Variants in MYO1B observed in about 807,000 individuals in gnomAD.
MYO1B encodes the protein myosin IB, also known as unconventional myosin-Ib.
A neutral mutation model predicts 159.7 loss-of-function variants in MYO1B; 72 were observed. The observed-to-expected ratio is 0.45, with a 90% CI of 0.37 to 0.55. The LOEUF is 0.55. MYO1B is among the 20% of genes least tolerant of loss of function. The pLI is 0.00. For missense variants in MYO1B, 1,062 were observed against 1,364.8 expected, an observed-to-expected ratio of 0.78 and a Z score of 3.50; for synonymous variants, 468 against 473.8, an observed-to-expected ratio of 0.99 and a Z score of 0.16.
intron 1 of MYO1B, 51 bp from the exon 2 acceptor site, chr2:191,276,836 T>C (rs1687781159): frequency 7.7e-6 from 12 of 1,560,382 alleles, no homozygotes; most frequent in Non-Finnish European, 8.6e-6. Context: ...CAAGAACCTA[T>C]TTGAAATTAT....
intron 30 of MYO1B, among the ~76,000 whole-genome samples, chr2:191,418,860 A>G (rs1481739087): frequency 6.6e-6 from 1 of 152,240 alleles, no homozygotes; most frequent in African/African-American, 2.4e-5. Context: ...GCTGCCTTAT[A>G]GTTTCTAGTC....
At chr2:191,268,629 G>T (rs2125712725) in intron 1 of MYO1B, among the ~76,000 whole-genome samples, 1 of 152,332 alleles carries the variant, frequency 6.6e-6, no homozygotes. Context: ...GGGCAGCAAA[G>T]GCAGCTGTTC....
At chr2:191,286,721 C>T (rs1003288684) in intron 2 of MYO1B, among the ~76,000 whole-genome samples, 1 of 152,192 alleles carries the variant, frequency 6.6e-6, no homozygotes, top group South Asian at 2.1e-4. Flanking sequence ...TTGCTTTAGT[C>T]GAGGAGTTCG....
At chr2:191,374,443 T>A (rs1023996950) in intron 13 of MYO1B, among the ~76,000 whole-genome samples, 7 of 152,174 alleles carry the variant, frequency 4.6e-5, no homozygotes, top group Non-Finnish European at 4.4e-5. Flanking sequence ...GAGACTTTTT[T>A]AAAAAAATGC....
At chr2:191,381,359 G>T (rs771651518) in intron 13 of MYO1B, 103 bp from the exon 14 acceptor site, 1 of 852,914 alleles carries the variant, frequency 1.2e-6, no homozygotes, top group South Asian at 1.4e-5. Context: ...AAATCTGAGA[G>T]ATCATGTGTG....
chr2:191,314,041 T>A (rs2125871096), intron 3 of MYO1B, among the ~76,000 whole-genome samples: 1 of 152,346 alleles, frequency 6.6e-6, no homozygotes, highest in East Asian at 1.9e-4. Context: ...TGTTTGGTAA[T>A]TTAACTTGTG....
rs376859401 is a variant in MYO1B at position 191,329,904 on chromosome 2, C to T, written c.252-31C>T. 7.9e-5 allele frequency: 125 copies of T among 1,586,398 alleles called. No individual in the cohort carries two copies. In the African/African-American group the frequency reaches 1.4e-3, roughly 18 times the overall value. On this transcript the variant is annotated intron_variant, in intron 3 of 30. Coordinates refer to ENST00000392318, the MANE Select transcript of MYO1B (RefSeq NM_001130158.3). The stretch of plus-strand genomic sequence containing the variant: ...TAAACACATAATAATGATCTGAAGT[C>T]TAAGGAATTTTTTTCCATTATCCCC...
intron 27 of MYO1B, among the ~76,000 whole-genome samples, chr2:191,412,319 C>G (rs1697298232): frequency 6.6e-6 from 1 of 152,130 alleles, no homozygotes; most frequent in Non-Finnish European, 1.5e-5. Context: ...TGAACATTTC[C>G]TGTGGATGAC....
At chr2:191,381,370 G>A in intron 13 of MYO1B, 92 bp from the exon 14 acceptor site, 2 of 901,002 alleles carry the variant, frequency 2.2e-6, no homozygotes, top group Non-Finnish European at 3.7e-6. Flanking sequence ...ATCATGTGTG[G>A]CATTTCTCAT....
chr2:191,414,457 A>G lies in MYO1B; in HGVS notation c.3007-60A>G, dbSNP rs1271996695. Reference sequence around the variant, plus strand: ...TTTTTGCAAATAATGCCTTAAACTCATGGACCATTTTTGAGTATTTGTGAT... The same window carrying G: ...TTTTTGCAAATAATGCCTTAAACTCGTGGACCATTTTTGAGTATTTGTGAT... On this transcript the variant is annotated intron_variant, in intron 28 of 30. Transcript: ENST00000392318. 5 of 1,483,648 alleles carry G rather than the reference A, an allele frequency of 3.4e-6. 1 individual carries two copies. The highest frequency in any genetic ancestry group is 4.7e-5 in the Admixed American group (2 of 42,812). 91.9% of individuals were successfully genotyped at this position (1,483,648 alleles called of 1,614,324 possible). A position where few individuals can be genotyped will look rare whatever the true frequency, so the allele number is the denominator to read the frequency against.
At chr2:191,262,175 A>C (rs1686852778) in intron 1 of MYO1B, among the ~76,000 whole-genome samples, 1 of 152,072 alleles carries the variant, frequency 6.6e-6, no homozygotes, top group South Asian at 2.1e-4. Context: ...GCCCCAGATG[A>C]ATTCCTTGAT....
intron 13 of MYO1B, among the ~76,000 whole-genome samples, chr2:191,372,203 A>G (rs1350002268): frequency 2.6e-5 from 4 of 152,248 alleles, no homozygotes; most frequent in African/African-American, 9.6e-5. Flanking sequence ...ACATTCAATG[A>G]CATTTCCAAA....
intron 3 of MYO1B, among the ~76,000 whole-genome samples, chr2:191,303,002 T>C (rs1689428325): frequency 6.6e-6 from 1 of 152,184 alleles, no homozygotes; most frequent in African/African-American, 2.4e-5. Flanking sequence ...CTATAATGCT[T>C]GTGTGTTTTG....
intron 21 of MYO1B, among the ~76,000 whole-genome samples, chr2:191,398,266 C>T (rs1462599963): frequency 8.3e-5 from 6 of 72,652 alleles, no homozygotes; most frequent in South Asian, 1.0e-3. Context: ...TCCCCCCTCC[C>T]GGACGGGGCG....
At chr2:191,305,809 G>A (rs1689617559) in intron 3 of MYO1B, among the ~76,000 whole-genome samples, 1 of 152,118 alleles carries the variant, frequency 6.6e-6, no homozygotes, top group Non-Finnish European at 1.5e-5. Flanking sequence ...CTGGGAAATG[G>A]GGTACAGCCC....
chr2:191,281,675 C>G (rs529181314), intron 2 of MYO1B, among the ~76,000 whole-genome samples: 8 of 152,128 alleles, frequency 5.3e-5, no homozygotes, highest in Admixed American at 6.6e-5. Context: ...GGTGACTGGT[C>G]AGGACTGTGG....
chr2:191,357,541 A>G (rs772483714), intron 7 of MYO1B, among the ~76,000 whole-genome samples: 1 of 152,238 alleles, frequency 6.6e-6, no homozygotes, highest in Non-Finnish European at 1.5e-5. Context: ...ATGTAGCTGC[A>G]TTAGAATATC....
At chr2:191,382,250 C>T (rs1393541225) in intron 14 of MYO1B, among the ~76,000 whole-genome samples, 1 of 151,710 alleles carries the variant, frequency 6.6e-6, no homozygotes, top group Non-Finnish European at 1.5e-5. Flanking sequence ...AATGATATTA[C>T]CTGTTTTCCT....
intron 1 of MYO1B, among the ~76,000 whole-genome samples, chr2:191,259,021 T>G (rs1302361424): frequency 6.6e-6 from 1 of 152,176 alleles, no homozygotes; most frequent in African/African-American, 2.4e-5. Flanking sequence ...TGAGCCAGGC[T>G]GGACATTAGA....
Sources: allele counts gnomAD v4.1 joint callset (sites outside exome capture counted in the v4.1 genomes callset), GRCh38; gene constraint gnomAD v4.1.1; transcripts MANE v1.5; gene names NCBI Gene and HGNC (gene_info 2026-07-23, HGNC 2026-07-21).